Variants in PPM1L observed in about 807,000 individuals in gnomAD.
The protein encoded by PPM1L is protein phosphatase, Mg2+/Mn2+ dependent 1L, also known as protein phosphatase 1L.
PPM1L carries 13 observed loss-of-function variants against 31.4 expected under a neutral mutation model. The observed-to-expected ratio is 0.41, with a 90% CI of 0.27 to 0.66. The LOEUF is 0.66. PPM1L is among the 30% of genes least tolerant of loss of function. The pLI is 0.29. For missense variants in PPM1L, 326 were observed against 453.7 expected (o/e 0.72, Z 2.56); for synonymous variants, 184 against 175.4 (o/e 1.05, Z -0.39).
At chr3:160,862,450 C>T (rs1711925825) in intron 1 of PPM1L, among the ~76,000 whole-genome samples, 1 of 152,044 alleles carries the variant, frequency 6.6e-6, no homozygotes. Context: ...GCACAAGCGA[C>T]TATTAGGAAA....
Position 161,069,222 on chromosome 3 carries a change from A to G in PPM1L, c.*65A>G, listed in dbSNP as rs1719837826. The G allele has an allele frequency of 2.4e-6, 3 of 1,234,088 alleles. No individual in the cohort carries two copies. The East Asian group carries it at 7.4e-5, about 30-fold the overall frequency. The allele number at this position is 1,234,088 out of a possible 1,614,324, so 76.4% of individuals were successfully genotyped here. A position where few individuals can be genotyped will look rare whatever the true frequency, so the allele number is the denominator to read the frequency against. ...TCAACACACTGGTCTCTTTTAATTT[A>G]GTGAAAAGTGTGGGAGTTGTAATTA... On this transcript the variant is annotated 3_prime_UTR_variant, in exon 4 of 4. Transcript: ENST00000498165.
In PPM1L at chr3:160,962,646, T is replaced by G. The variant is rs867248082; in HGVS notation, c.574+736T>G. On this transcript the variant is annotated intron_variant, in intron 2 of 3. Transcript: ENST00000498165. The stretch of plus-strand genomic sequence containing the variant: ...AAAAAAGGTTTCTAATGGTCAAATG[T>G]TAATGGTATTAATTCTTATATTAAT... 5.9e-5 allele frequency among the ~76,000 whole-genome samples: 9 copies of G among 152,090 alleles called. No individual in the cohort carries two copies. The South Asian group carries it at 8.3e-4, about 14-fold the overall frequency.
chr3:160,757,281 A>G (rs140202722), intron 1 of PPM1L, among the ~76,000 whole-genome samples: 20 of 152,336 alleles, frequency 1.3e-4, no homozygotes, highest in Admixed American at 5.2e-4. Flanking sequence ...TTACAAGTGC[A>G]ATCGGGCCAA....
intron 2 of PPM1L, chr3:161,035,994 CCAGCAAGT>C (rs1485885080): frequency 1.3e-5 from 2 of 152,174 alleles, no homozygotes; most frequent in African/African-American, 4.8e-5. Context: ...AAACAGTATA[CCAGCAAGT>C]CAGCAAGTCC....
At chr3:160,854,722 GA>G (rs1711627001) in intron 1 of PPM1L, among the ~76,000 whole-genome samples, 1 of 151,458 alleles carries the variant, frequency 6.6e-6, no homozygotes, top group African/African-American at 2.4e-5. Flanking sequence ...ACAAACAAAT[GA>G]AAAAAACATT....
At chr3:160,976,642 A>T (rs938088829) in intron 2 of PPM1L, among the ~76,000 whole-genome samples, 50 of 151,752 alleles carry the variant, frequency 3.3e-4, no homozygotes, top group Non-Finnish European at 1.2e-4. Flanking sequence ...TTTCTTCTAG[A>T]TTTTCTAGTT....
intron 1 of PPM1L, among the ~76,000 whole-genome samples, chr3:160,757,169 G>C (rs1714832909): frequency 6.6e-6 from 1 of 152,186 alleles, no homozygotes; most frequent in African/African-American, 2.4e-5. Flanking sequence ...TCTGCAGAGC[G>C]AGCTCATTGA....
intron 2 of PPM1L, among the ~76,000 whole-genome samples, chr3:161,045,177 A>T (rs1453941143): frequency 1.3e-5 from 2 of 152,150 alleles, no homozygotes; most frequent in African/African-American, 4.8e-5. Context: ...ATAATGGGAG[A>T]CTTTAACCCC....
At chr3:160,871,241 G>A (rs1712292940) in intron 1 of PPM1L, among the ~76,000 whole-genome samples, 1 of 152,218 alleles carries the variant, frequency 6.6e-6, no homozygotes, top group African/African-American at 2.4e-5. Context: ...TGAGTGAGAA[G>A]AGAAGGTAGT....
chr3:160,855,676 A>G (rs1711676206), intron 1 of PPM1L, among the ~76,000 whole-genome samples: 1 of 152,198 alleles, frequency 6.6e-6, no homozygotes, highest in Non-Finnish European at 1.5e-5. Context: ...ATTTCACACA[A>G]GTCAGAATGG....
At chr3:160,851,508 G>C (rs952125432) in intron 1 of PPM1L, among the ~76,000 whole-genome samples, 6 of 152,164 alleles carry the variant, frequency 3.9e-5, no homozygotes, top group Non-Finnish European at 7.3e-5. Context: ...TCTAGTTGAG[G>C]TAAATTATTC....
At chr3:161,000,197 A>T (rs574271003) in intron 2 of PPM1L, among the ~76,000 whole-genome samples, 4 of 152,248 alleles carry the variant, frequency 2.6e-5, no homozygotes, top group Non-Finnish European at 5.9e-5. Flanking sequence ...ATGTGCTTTA[A>T]GTAATTAGAG....
chr3:160,980,944 G>C (rs1199890940), intron 2 of PPM1L, among the ~76,000 whole-genome samples: 1 of 152,098 alleles, frequency 6.6e-6, no homozygotes, highest in Non-Finnish European at 1.5e-5. Flanking sequence ...GTGGTGTACA[G>C]GGGTATTTCC....
chr3:161,035,856 C>G (rs182868629), intron 2 of PPM1L: 1 of 152,320 alleles, frequency 6.6e-6, no homozygotes, highest in African/African-American at 2.4e-5. Flanking sequence ...TATGATTGAA[C>G]GTACTCAAGA....
At chr3:161,048,537 C>T (rs1719156494) in intron 2 of PPM1L, among the ~76,000 whole-genome samples, 1 of 152,114 alleles carries the variant, frequency 6.6e-6, no homozygotes, top group African/African-American at 2.4e-5. Flanking sequence ...CCTCAAGGAT[C>T]TAGAACTAGA....
chr3:160,915,670 C>A (rs1382347159), intron 1 of PPM1L, among the ~76,000 whole-genome samples: 3 of 152,154 alleles, frequency 2.0e-5, no homozygotes, highest in Non-Finnish European at 2.9e-5. Context: ...TACTACAAGG[C>A]TACAGTAACC....
intron 1 of PPM1L, among the ~76,000 whole-genome samples, chr3:160,816,476 CTGTT>C (rs1407116943): frequency 8.6e-6 from 1 of 116,134 alleles, no homozygotes; most frequent in East Asian, 3.0e-4. Flanking sequence ...AAGACAGAGT[CTGTT>C]TTTTTTTTTT....
At chr3:160,837,667 G>A (rs143573513) in intron 1 of PPM1L, among the ~76,000 whole-genome samples, 375 of 152,336 alleles carry the variant, frequency 2.5e-3, no homozygotes, top group African/African-American at 8.8e-3. Context: ...AGGTAAAACA[G>A]TCAGAAGCAA....
intron 2 of PPM1L, among the ~76,000 whole-genome samples, chr3:161,044,050 GT>G (rs1265755586): frequency 6.6e-6 from 1 of 152,118 alleles, no homozygotes; most frequent in Non-Finnish European, 1.5e-5. Context: ...CTCTGTGTAT[GT>G]TTTTTTGAGA....
Sources: gnomAD v4.1 joint callset for allele counts (sites outside exome capture counted in the v4.1 genomes callset) on GRCh38, gnomAD v4.1.1 for gene constraint, MANE v1.5 for transcripts, NCBI Gene and HGNC (gene_info 2026-07-23, HGNC 2026-07-21) for gene names.